The following NALF1 variants were observed in gnomAD, a reference collection of about 807,000 sequenced individuals.
The protein encoded by NALF1 is NALCN channel auxiliary factor 1.
A neutral mutation model predicts 48.4 loss-of-function variants in NALF1; 3 were observed. That is an observed-to-expected ratio of 0.06 (90% CI 0.03 to 0.16). NALF1 has a LOEUF of 0.16. Ranked by LOEUF, NALF1 falls within the 10% of genes least tolerant of loss-of-function variation. The pLI is 1.00. For missense variants in NALF1, 526 were observed against 571.5 expected, an observed-to-expected ratio of 0.92 and a Z score of 0.81; for synonymous variants, 262 against 245.7, an observed-to-expected ratio of 1.07 and a Z score of -0.62.
At chr13:107,727,159 G>A (rs927326185) in intron 1 of NALF1, among the ~76,000 whole-genome samples, 2 of 151,988 alleles carry the variant, frequency 1.3e-5, no homozygotes, top group South Asian at 2.1e-4. Context: ...GCACAGACTC[G>A]AGACCAGTGT....
intron 2 of NALF1, among the ~76,000 whole-genome samples, chr13:107,199,387 T>C (rs1290161953): frequency 6.6e-6 from 1 of 152,200 alleles, no homozygotes; most frequent in East Asian, 1.9e-4. Flanking sequence ...TGTGGTATTT[T>C]GTCACGGCAG....
chr13:107,321,098 T>A (rs1257870111), intron 1 of NALF1: 4 of 151,916 alleles, frequency 2.6e-5, no homozygotes, highest in Non-Finnish European at 2.9e-5. Flanking sequence ...ATAGAAAAAG[T>A]TAAAGTGGGT....
intron 1 of NALF1, among the ~76,000 whole-genome samples, chr13:107,708,288 T>TC (rs1875462988): frequency 6.6e-6 from 1 of 152,178 alleles, no homozygotes; most frequent in African/African-American, 2.4e-5. Context: ...AACTTTTTTT[T>TC]CAGCCATAAT....
intron 1 of NALF1, among the ~76,000 whole-genome samples, chr13:107,651,627 A>T (rs1880453550): frequency 1.3e-5 from 2 of 152,206 alleles, no homozygotes; most frequent in Non-Finnish European, 2.9e-5. Flanking sequence ...AATGGAGCAG[A>T]CATTTCAGCT....
At chr13:107,719,768 A>G (rs1382629175) in intron 1 of NALF1, among the ~76,000 whole-genome samples, 1 of 152,008 alleles carries the variant, frequency 6.6e-6, no homozygotes, top group East Asian at 1.9e-4. Flanking sequence ...TTCCCCCAAC[A>G]TTGATTCCCA....
At chr13:107,321,416 G>A (rs1002002120) in intron 1 of NALF1, among the ~76,000 whole-genome samples, 2 of 152,090 alleles carry the variant, frequency 1.3e-5, no homozygotes, top group Non-Finnish European at 2.9e-5. Flanking sequence ...AGAACATCCT[G>A]ATCTCCACTG....
intron 1 of NALF1, among the ~76,000 whole-genome samples, chr13:107,717,961 T>G (rs1875870180): frequency 6.6e-6 from 1 of 152,202 alleles, no homozygotes; most frequent in Admixed American, 6.5e-5. Context: ...CTCACTAAGC[T>G]TACTCACTCT....
chr13:107,847,964 T>G (rs1034078606), intron 1 of NALF1, among the ~76,000 whole-genome samples: 16 of 152,364 alleles, frequency 1.1e-4, no homozygotes, highest in African/African-American at 3.8e-4. Flanking sequence ...TGATCTAAAC[T>G]TTAAGAAGAA....
intron 1 of NALF1, among the ~76,000 whole-genome samples, chr13:107,424,110 A>G (rs1884238019): frequency 6.6e-6 from 1 of 151,720 alleles, no homozygotes; most frequent in Non-Finnish European, 1.5e-5. Flanking sequence ...ATTCTGCTGT[A>G]ATGAGGAAGA....
intron 1 of NALF1, among the ~76,000 whole-genome samples, chr13:107,406,300 T>C (rs1047015189): frequency 1.3e-5 from 2 of 152,006 alleles, no homozygotes; most frequent in Non-Finnish European, 2.9e-5. Flanking sequence ...AGTGGATGAA[T>C]GGATAAAAAA....
At chr13:107,323,870 T>C (rs1882301557) in intron 1 of NALF1, among the ~76,000 whole-genome samples, 1 of 152,156 alleles carries the variant, frequency 6.6e-6, no homozygotes. Flanking sequence ...TCCAGGACTT[T>C]GGGAGGCTGA....
intron 1 of NALF1, among the ~76,000 whole-genome samples, chr13:107,253,820 T>C (rs1594090941): frequency 6.6e-6 from 1 of 152,144 alleles, no homozygotes; most frequent in East Asian, 1.9e-4. Context: ...CGTCATTAAC[T>C]TCTGCTCAAA....
intron 1 of NALF1, among the ~76,000 whole-genome samples, chr13:107,321,604 T>A (rs183938888): frequency 6.6e-6 from 1 of 152,244 alleles, no homozygotes; most frequent in Non-Finnish European, 1.5e-5. Context: ...GGTAAAAAGT[T>A]GCACTCAACT....
intron 1 of NALF1, among the ~76,000 whole-genome samples, chr13:107,585,085 A>T (rs773812398): frequency 2.9e-4 from 44 of 152,198 alleles, no homozygotes; most frequent in Non-Finnish European, 5.0e-4. Flanking sequence ...CTTGCCTACC[A>T]TATTAAGATA....
In NALF1 at chr13:107,791,140, T is replaced by C. The variant is rs766866431; in HGVS notation, c.915+74542A>G. On this transcript the variant is annotated intron_variant, in intron 1 of 2. Coordinates refer to ENST00000375915, the MANE Select transcript of NALF1 (RefSeq NM_001080396.3). The stretch of plus-strand genomic sequence containing the variant: ...TAGAAAAAATGTAAAGTTACTAATA[T>C]TCAGGTTTGTTGCAACTACAGTATG... Among the ~76,000 whole-genome samples the C allele has an allele frequency of 5.3e-5, 8 of 152,326 alleles. 1 individual carries two copies. Among genetic ancestry groups the C allele is most frequent in the Admixed American group, 2.0e-4 (3 of 15,304 alleles).
intron 2 of NALF1, among the ~76,000 whole-genome samples, chr13:107,172,025 C>T (rs1878816345): frequency 6.6e-6 from 1 of 152,202 alleles, no homozygotes; most frequent in African/African-American, 2.4e-5. Flanking sequence ...GGTCTCTCCT[C>T]TCTCTCCAGG....
chr13:107,495,281 CAAT>C (rs1875291922), intron 1 of NALF1, among the ~76,000 whole-genome samples: 2 of 152,224 alleles, frequency 1.3e-5, no homozygotes, highest in East Asian at 1.9e-4. Flanking sequence ...ACAGCAACAA[CAAT>C]GTCAACAAAA....
intron 1 of NALF1, among the ~76,000 whole-genome samples, chr13:107,377,569 C>A (rs920002560): frequency 6.6e-6 from 1 of 151,638 alleles, no homozygotes; most frequent in Non-Finnish European, 1.5e-5. Flanking sequence ...CCCAAGAGTT[C>A]GAAACCAGCC....
At position 107,167,241 on chromosome 13, in the gene NALF1, G is replaced by C. The variant is rs746002046; in HGVS notation, c.*3256C>G. 2 of 152,102 alleles carry C rather than the reference G, an allele frequency of 1.3e-5. No homozygotes were observed. Among genetic ancestry groups the C allele is most frequent in the Non-Finnish European group, 2.9e-5 (2 of 68,024 alleles). The allele number at this position is 152,102 out of a possible 1,614,324, so 9.4% of individuals were successfully genotyped here. ...TATTGTAGTTCATTAGCCAGTATAC[G>C]GTAGACATCCTCTACAGGAAAAACT... On this transcript the variant is annotated 3_prime_UTR_variant, in exon 3 of 3. Transcript: ENST00000375915.
Sources: gnomAD v4.1 joint callset for allele counts (sites outside exome capture counted in the v4.1 genomes callset) on GRCh38, gnomAD v4.1.1 for gene constraint, MANE v1.5 for transcripts, NCBI Gene and HGNC (gene_info 2026-07-23, HGNC 2026-07-21) for gene names.